RSBN1: variants seen among roughly 807,000 people sequenced by gnomAD.
RSBN1 encodes lysine-specific demethylase 9.
Under a neutral mutation model 74.8 loss-of-function variants are expected in RSBN1, and 23 were observed. The observed-to-expected ratio is 0.31, with a 90% CI of 0.22 to 0.44. The LOEUF (loss-of-function observed/expected upper bound fraction) is 0.44, where lower values mean the gene tolerates loss of function less well. Ranked by LOEUF, RSBN1 falls within the 20% of genes least tolerant of loss-of-function variation. RSBN1 has a pLI of 1.00. For missense variants in RSBN1, 808 were observed against 1,020.9 expected, an observed-to-expected ratio of 0.79 and a Z score of 2.84; for synonymous variants, 407 against 379.6, an observed-to-expected ratio of 1.07 and a Z score of -0.84.
chr1:113,777,623 C>A, intron 3 of RSBN1, 48 bp downstream of exon 3: 1 of 1,536,708 alleles, frequency 6.5e-7, no homozygotes, highest in Non-Finnish European at 8.9e-7. Context: ...ATATAAAGTG[C>A]CCACTTAAGT....
chr1:113,779,403 G>A (rs1487699409), intron 2 of RSBN1, among the ~76,000 whole-genome samples: 1 of 151,770 alleles, frequency 6.6e-6, no homozygotes, highest in Admixed American at 6.6e-5. Flanking sequence ...AAATAGCAGG[G>A]GTAGGGATTT....
intron 1 of RSBN1, among the ~76,000 whole-genome samples, chr1:113,800,352 G>C (rs1660556994): frequency 6.6e-6 from 1 of 151,950 alleles, no homozygotes; most frequent in Non-Finnish European, 1.5e-5. Flanking sequence ...TGAGATATTT[G>C]AGAATTAAAC....
chr1:113,785,787 G>A (rs1377705227), intron 2 of RSBN1, among the ~76,000 whole-genome samples: 1 of 152,130 alleles, frequency 6.6e-6, no homozygotes, highest in Admixed American at 6.6e-5. Flanking sequence ...CTTAAGCATT[G>A]CCCTTTCCAA....
At chr1:113,772,388 A>T (rs1484878579) in intron 4 of RSBN1, among the ~76,000 whole-genome samples, 4 of 152,122 alleles carry the variant, frequency 2.6e-5, no homozygotes, top group South Asian at 2.1e-4. Context: ...GATTAAAAAA[A>T]TTTTTAATTA....
chr1:113,791,543 C>G (rs1660364130), intron 2 of RSBN1, among the ~76,000 whole-genome samples: 1 of 152,136 alleles, frequency 6.6e-6, no homozygotes, highest in South Asian at 2.1e-4. Context: ...CCACAGAACT[C>G]ACGTTTCAGG....
At chr1:113,793,677 C>CT (rs10707246) in intron 2 of RSBN1, among the ~76,000 whole-genome samples, 108 of 146,542 alleles carry the variant, frequency 7.4e-4, no homozygotes, top group South Asian at 6.5e-3. Context: ...CCTAAGAGTT[C>CT]TTTTTTTTTT....
At chr1:113,786,517 T>C (rs1194923716) in intron 2 of RSBN1, among the ~76,000 whole-genome samples, 1 of 152,086 alleles carries the variant, frequency 6.6e-6, no homozygotes, top group Non-Finnish European at 1.5e-5. Context: ...GAAGGCGATG[T>C]GATGATAGAA....
chr1:113,781,822 T>C (rs1485944476), intron 2 of RSBN1, among the ~76,000 whole-genome samples: 1 of 152,180 alleles, frequency 6.6e-6, no homozygotes, highest in Non-Finnish European at 1.5e-5. Flanking sequence ...TCTAACTAAA[T>C]CTGCAGTACC....
chr1:113,784,734 T>C (rs1264281863), intron 2 of RSBN1, among the ~76,000 whole-genome samples: 1 of 152,178 alleles, frequency 6.6e-6, no homozygotes, highest in Non-Finnish European at 1.5e-5. Flanking sequence ...AGACCAGTAC[T>C]GGGGGACCAG....
intron 4 of RSBN1, 133 bp downstream of exon 4, chr1:113,777,077 G>A: frequency 4.1e-6 from 3 of 733,688 alleles, no homozygotes; most frequent in Non-Finnish European, 6.5e-6. Context: ...TGATTGGACT[G>A]AAAAGAGGAA....
At chr1:113,808,119 C>A (rs1660749734) in intron 1 of RSBN1, among the ~76,000 whole-genome samples, 1 of 152,040 alleles carries the variant, frequency 6.6e-6, no homozygotes, top group Admixed American at 6.6e-5. Context: ...TCTTAAAAAA[C>A]AAACAAACAA....
chr1:113,806,837 T>TAAAA (rs1660707910), intron 1 of RSBN1, among the ~76,000 whole-genome samples: 1 of 32,798 alleles, frequency 3.0e-5, no homozygotes, highest in African/African-American at 1.3e-4. Context: ...CCTGCCTCTA[T>TAAAA]CAAAAAAAAA....
At chr1:113,809,787 G>C (rs921783130) in intron 1 of RSBN1, among the ~76,000 whole-genome samples, 1 of 152,132 alleles carries the variant, frequency 6.6e-6, no homozygotes, top group African/African-American at 2.4e-5. Context: ...AGCCATATGT[G>C]ACTAATTATA....
rs1357948782 is a variant in RSBN1 at position 113,812,071 on chromosome 1, C to T, written c.342G>A (p.Arg114=). The T allele has an allele frequency of 1.3e-6, 2 of 1,565,288 alleles. No individual in the cohort carries two copies. Among genetic ancestry groups the T allele is most frequent in the African/African-American group, 2.7e-5 (2 of 73,378 alleles). Residue 114 remains arginine (R), a synonymous_variant, in exon 1 of 7, where the codon CGG becomes CGA. Coordinates refer to ENST00000261441, the MANE Select transcript of RSBN1 (RefSeq NM_018364.5). Reference sequence around the variant, plus strand: ...CAGGATGTTGGCGGCTGCGACGCCGCCGGTGAGGGGGAGCGAGAGGGGGCT... The same window carrying T: ...CAGGATGTTGGCGGCTGCGACGCCGTCGGTGAGGGGGAGCGAGAGGGGGCT... ...SQEPPLAPPH[R]RRRSRQHPGP...
intron 2 of RSBN1, among the ~76,000 whole-genome samples, chr1:113,792,452 G>A (rs141744691): frequency 1.2e-4 from 18 of 152,012 alleles, no homozygotes; most frequent in Non-Finnish European, 1.5e-4. Flanking sequence ...CCTGTAATCC[G>A]AACATGCTAG....
intron 1 of RSBN1, among the ~76,000 whole-genome samples, chr1:113,811,110 G>A (rs543005366): frequency 3.9e-5 from 6 of 152,298 alleles, no homozygotes; most frequent in African/African-American, 1.4e-4. Context: ...TCAAAGGGTA[G>A]AGAAAACCTT....
At chr1:113,794,806 T>A (rs1196698279) in intron 2 of RSBN1, among the ~76,000 whole-genome samples, 1 of 152,176 alleles carries the variant, frequency 6.6e-6, no homozygotes, top group Non-Finnish European at 1.5e-5. Context: ...CCCACTAGAC[T>A]GAGCTCATCA....
intron 2 of RSBN1, among the ~76,000 whole-genome samples, chr1:113,790,013 A>G (rs1414028672): frequency 2.0e-5 from 3 of 152,236 alleles, no homozygotes; most frequent in African/African-American, 7.2e-5. Flanking sequence ...GTAAAATGTT[A>G]AAAGATAAAA....
At chr1:113,795,798 T>C (rs368813840) in intron 2 of RSBN1, among the ~76,000 whole-genome samples, 2 of 152,318 alleles carry the variant, frequency 1.3e-5, no homozygotes, top group African/African-American at 4.8e-5. Flanking sequence ...TTATTAACTA[T>C]TTAGACTGGA....
Sources: allele counts gnomAD v4.1 joint callset (sites outside exome capture counted in the v4.1 genomes callset), GRCh38; gene constraint gnomAD v4.1.1; transcripts MANE v1.5; gene names NCBI Gene and HGNC (gene_info 2026-07-23, HGNC 2026-07-21).